TTLL7: variants seen among roughly 807,000 people sequenced by gnomAD.
TTLL7 encodes tubulin polyglutamylase TTLL7.
A neutral mutation model predicts 120.2 loss-of-function variants in TTLL7; 53 were observed. That is an observed-to-expected ratio of 0.44 (90% confidence interval 0.35 to 0.55). The LOEUF (loss-of-function observed/expected upper bound fraction) is 0.55. Ranked by LOEUF, TTLL7 falls within the 20% of genes least tolerant of loss-of-function variation. TTLL7 has a pLI of 0.00. For missense variants in TTLL7, 803 were observed against 1,054.7 expected (o/e 0.76, Z 3.31); for synonymous variants, 353 against 351.7 (o/e 1.00, Z -0.04).
chr1:83,920,236 T>C (rs929525758), intron 12 of TTLL7, among the ~76,000 whole-genome samples: 1 of 152,138 alleles, frequency 6.6e-6, no homozygotes, highest in African/African-American at 2.4e-5. Context: ...AGGTACAGTA[T>C]AAGGGTTTAG....
chr1:83,998,513 G>C (rs774566043), intron 1 of TTLL7, among the ~76,000 whole-genome samples: 1 of 152,210 alleles, frequency 6.6e-6, no homozygotes, highest in South Asian at 2.1e-4. Context: ...TGCGAAAAGG[G>C]CATTTTGATA....
chr1:83,971,918 C>A (rs562357247), intron 1 of TTLL7, among the ~76,000 whole-genome samples: 1 of 151,934 alleles, frequency 6.6e-6, no homozygotes, highest in East Asian at 1.9e-4. Flanking sequence ...AGCCTAGGGC[C>A]AAAGATTTTT....
At chr1:83,932,667 A>C (rs977838424) in intron 9 of TTLL7, among the ~76,000 whole-genome samples, 5 of 152,232 alleles carry the variant, frequency 3.3e-5, no homozygotes, top group Middle Eastern at 3.4e-3. Context: ...CACTCATTTA[A>C]TTTGCTTATG....
chr1:83,892,607 T>TAA (rs1466549307), intron 18 of TTLL7, among the ~76,000 whole-genome samples: 23 of 142,028 alleles, frequency 1.6e-4, no homozygotes, highest in Admixed American at 2.1e-4. Context: ...AATGAACATA[T>TAA]ATATGAACAT....
At chr1:83,885,646 C>G (rs1439505982) in intron 19 of TTLL7, among the ~76,000 whole-genome samples, 1 of 151,974 alleles carries the variant, frequency 6.6e-6, no homozygotes, top group South Asian at 2.1e-4. Context: ...CCAAAATACT[C>G]AAGAAAATGA....
intron 14 of TTLL7, among the ~76,000 whole-genome samples, chr1:83,913,584 C>T (rs577682531): frequency 1.3e-5 from 2 of 152,274 alleles, no homozygotes; most frequent in East Asian, 3.9e-4. Flanking sequence ...TGAAGTTTTG[C>T]TCACTTTGAA....
At chr1:83,924,368 C>G (rs184779619) in intron 10 of TTLL7, among the ~76,000 whole-genome samples, 4 of 152,286 alleles carry the variant, frequency 2.6e-5, no homozygotes, top group African/African-American at 9.6e-5. Context: ...ATACATACAA[C>G]AGAATGTTAT....
At chr1:83,889,385 C>A (rs1655252433) in intron 19 of TTLL7, among the ~76,000 whole-genome samples, 1 of 151,980 alleles carries the variant, frequency 6.6e-6, no homozygotes. Flanking sequence ...CACAGAGAAA[C>A]CATATCAAAT....
chr1:83,988,345 T>G (rs1652672425), intron 1 of TTLL7, among the ~76,000 whole-genome samples: 1 of 152,268 alleles, frequency 6.6e-6, no homozygotes, highest in African/African-American at 2.4e-5. Flanking sequence ...GAACATATTA[T>G]ACAAGTACAT....
intron 1 of TTLL7, among the ~76,000 whole-genome samples, chr1:83,973,804 G>A (rs1449285814): frequency 2.0e-5 from 3 of 151,872 alleles, no homozygotes; most frequent in Non-Finnish European, 2.9e-5. Flanking sequence ...TCATTTACAC[G>A]AGGTTAAAAA....
intron 10 of TTLL7, among the ~76,000 whole-genome samples, chr1:83,928,534 A>G (rs1452710743): frequency 6.6e-6 from 1 of 152,158 alleles, no homozygotes. Context: ...AACCAGCCCT[A>G]CATCCCTACC....
chr1:83,983,677 C>T (rs963969088), intron 1 of TTLL7, among the ~76,000 whole-genome samples: 1 of 152,150 alleles, frequency 6.6e-6, no homozygotes, highest in African/African-American at 2.4e-5. Flanking sequence ...ACAGAGTAAA[C>T]AGACAACCTA....
intron 1 of TTLL7, among the ~76,000 whole-genome samples, chr1:83,988,799 C>G (rs1652721792): frequency 6.6e-6 from 1 of 152,094 alleles, no homozygotes; most frequent in Non-Finnish European, 1.5e-5. Flanking sequence ...GTCTCCGTCT[C>G]CCGGATTCAA....
At chr1:83,973,286 T>A (rs140215654) in intron 1 of TTLL7, among the ~76,000 whole-genome samples, 1 of 152,086 alleles carries the variant, frequency 6.6e-6, no homozygotes, top group African/African-American at 2.4e-5. Flanking sequence ...TCTTTTTGCA[T>A]GTGATGTCTA....
At chr1:83,926,303 C>CATTT (rs10648661) in intron 10 of TTLL7, among the ~76,000 whole-genome samples, 13,879 of 152,016 alleles carry the variant, frequency 0.091, 736 homozygotes, top group Middle Eastern at 0.16. Flanking sequence ...TCCATTCATT[C>CATTT]ATTTATTTAT....
At chr1:83,977,910 T>C (rs902783154) in intron 1 of TTLL7, among the ~76,000 whole-genome samples, 14 of 152,206 alleles carry the variant, frequency 9.2e-5, no homozygotes, top group South Asian at 4.1e-4. Context: ...ACAAGAGTTA[T>C]GTGACTATTT....
chr1:83,892,629 TATGA>T (rs1414646612), intron 18 of TTLL7, among the ~76,000 whole-genome samples: 19 of 147,824 alleles, frequency 1.3e-4, no homozygotes, highest in East Asian at 2.0e-4. Context: ...TATATGAACA[TATGA>T]ATGAACATAT....
intron 5 of TTLL7, chr1:83,947,545 AT>A (rs1210228855): frequency 2.3e-4 from 72 of 318,780 alleles, no homozygotes; most frequent in Middle Eastern, 1.8e-3. Flanking sequence ...CATCAAAAAC[AT>A]TTTTTTTAGA....
intron 20 of TTLL7, among the ~76,000 whole-genome samples, chr1:83,876,601 C>A (rs999369432): frequency 1.3e-5 from 2 of 151,868 alleles, no homozygotes; most frequent in South Asian, 4.1e-4. Context: ...CATACTTTTC[C>A]ATTTTTTACA....
Sources: gnomAD v4.1 joint callset for allele counts (sites outside exome capture counted in the v4.1 genomes callset) on GRCh38, gnomAD v4.1.1 for gene constraint, MANE v1.5 for transcripts, NCBI Gene and HGNC (gene_info 2026-07-23, HGNC 2026-07-21) for gene names.